The following TC2N variants were observed in gnomAD, a reference collection of about 807,000 sequenced individuals.
TC2N encodes the protein tandem C2 domains nuclear protein.
Under a neutral mutation model 61.9 loss-of-function variants are expected in TC2N, and 51 were observed. The observed-to-expected ratio is 0.82, with a 90% confidence interval of 0.66 to 1.04. The LOEUF is 1.04. Among genes scored for constraint, TC2N ranks in the 50% least tolerant of loss-of-function variants. The pLI is 0.00. For synonymous variants in TC2N, 204 were observed against 192.6 expected, an observed-to-expected ratio of 1.06 and a Z score of -0.49; for missense variants, 556 against 566.7, an observed-to-expected ratio of 0.98 and a Z score of 0.19.
intron 1 of TC2N, among the ~76,000 whole-genome samples, chr14:91,824,541 C>T (rs1017695986): frequency 2.6e-5 from 4 of 152,142 alleles, no homozygotes; most frequent in South Asian, 2.1e-4. Flanking sequence ...TCCTTCTGCT[C>T]CCAAAATCCA....
At chr14:91,794,290 G>GT (rs1885796431) in intron 8 of TC2N, among the ~76,000 whole-genome samples, 1 of 152,226 alleles carries the variant, frequency 6.6e-6, no homozygotes, top group Admixed American at 6.5e-5. Flanking sequence ...GTTGCAGCAA[G>GT]TTATCCAGAA....
intron 1 of TC2N, among the ~76,000 whole-genome samples, chr14:91,827,036 G>A (rs1040442593): frequency 1.3e-5 from 2 of 152,004 alleles, no homozygotes; most frequent in African/African-American, 4.8e-5. Context: ...TTTGTCTTTT[G>A]ACTGTAATAT....
chr14:91,790,219 A>G (rs1941542224), intron 9 of TC2N, among the ~76,000 whole-genome samples: 1 of 152,212 alleles, frequency 6.6e-6, no homozygotes, highest in South Asian at 2.1e-4. Context: ...TTCAATACCG[A>G]AATTTGAGAT....
intron 11 of TC2N, among the ~76,000 whole-genome samples, chr14:91,784,934 G>C (rs1885290794): frequency 6.6e-6 from 1 of 151,978 alleles, no homozygotes; most frequent in Admixed American, 6.6e-5. Context: ...AAGTAAAAAA[G>C]CTCAGAAAAA....
intron 1 of TC2N, among the ~76,000 whole-genome samples, chr14:91,817,453 C>T (rs1044125229): frequency 6.6e-6 from 1 of 151,818 alleles, no homozygotes; most frequent in African/African-American, 2.4e-5. Context: ...TTTTTCTTAA[C>T]ATTTTATGAG....
At chr14:91,865,099 A>T (rs1888669071) in intron 1 of TC2N, among the ~76,000 whole-genome samples, 1 of 152,142 alleles carries the variant, frequency 6.6e-6, no homozygotes, top group Admixed American at 6.5e-5. Flanking sequence ...ATTATTGCTC[A>T]AGAATATCCC....
At chr14:91,791,187 G>GGAGGGGAGGGGAGAA (rs898706213) in intron 9 of TC2N, among the ~76,000 whole-genome samples, 3 of 128,654 alleles carry the variant, frequency 2.3e-5, no homozygotes, top group Non-Finnish European at 5.1e-5. Context: ...GGAGGGGAGG[G>GGAGGGGAGGGGAGAA]GAGGGGAGGG....
intron 1 of TC2N, among the ~76,000 whole-genome samples, chr14:91,840,334 CA>C (rs1888141416): frequency 6.6e-6 from 1 of 151,924 alleles, no homozygotes; most frequent in African/African-American, 2.4e-5. Flanking sequence ...TTAAACATAC[CA>C]AAAAAATGTT....
chr14:91,838,001 ATTATC>A (rs940823002), intron 1 of TC2N, among the ~76,000 whole-genome samples: 10 of 152,186 alleles, frequency 6.6e-5, no homozygotes, highest in African/African-American at 2.2e-4. Flanking sequence ...TGTAGCTGTT[ATTATC>A]TTCATTTTGC....
chr14:91,844,325 T>C (rs1888223332), intron 1 of TC2N, among the ~76,000 whole-genome samples: 1 of 152,136 alleles, frequency 6.6e-6, no homozygotes, highest in African/African-American at 2.4e-5. Context: ...AACAATGACA[T>C]AGTGAATACA....
chr14:91,848,702 A>G (rs1888315934), intron 1 of TC2N, among the ~76,000 whole-genome samples: 1 of 152,226 alleles, frequency 6.6e-6, no homozygotes, highest in Non-Finnish European at 1.5e-5. Flanking sequence ...GTCTACTCAC[A>G]TGAAAAATGA....
chr14:91,809,815 G>A (rs1235580792), intron 3 of TC2N, among the ~76,000 whole-genome samples: 1 of 152,086 alleles, frequency 6.6e-6, no homozygotes, highest in African/African-American at 2.4e-5. Context: ...TCAAATATCT[G>A]TCTCATCTCT....
chr14:91,828,602 T>A (rs886374063), intron 1 of TC2N, among the ~76,000 whole-genome samples: 5 of 152,064 alleles, frequency 3.3e-5, no homozygotes, highest in Admixed American at 3.3e-4. Context: ...TTGAGTGAAA[T>A]AGGTTTAAAT....
At chr14:91,801,941 T>G (rs1886269663) in intron 4 of TC2N, among the ~76,000 whole-genome samples, 1 of 152,152 alleles carries the variant, frequency 6.6e-6, no homozygotes, top group African/African-American at 2.4e-5. Flanking sequence ...CTCTTAGCAC[T>G]TTTCAAGAAT....
In TC2N at chr14:91,810,859, A is replaced by C. The variant is rs192731181; in HGVS notation, c.301+1453T>G. ...ATTGAATCTAAAGAACAGAGAAAAA[A>C]AGATACTTGAAAAAAAAAAGTCTCA... On this transcript the variant is annotated intron_variant, in intron 3 of 11. Coordinates refer to ENST00000435962, the MANE Select transcript of TC2N (RefSeq NM_001128596.3). Among the ~76,000 whole-genome samples the C allele has an allele frequency of 7.2e-5, 11 of 152,010 alleles. No homozygotes were observed. In the East Asian group the frequency reaches 2.1e-3, roughly 29 times the overall value.
At chr14:91,836,065 C>T (rs1186946508) in intron 1 of TC2N, 1 of 152,336 alleles carries the variant, frequency 6.6e-6, no homozygotes, top group African/African-American at 2.4e-5. Context: ...GGGCCTAAAG[C>T]TCTCTCAGGC....
intron 8 of TC2N, among the ~76,000 whole-genome samples, chr14:91,794,759 A>T (rs1033107401): frequency 6.6e-6 from 1 of 152,152 alleles, no homozygotes; most frequent in African/African-American, 2.4e-5. Context: ...TGTTATTTTC[A>T]TGTCTGCAAA....
In TC2N at chr14:91,813,656, TGAA is replaced by T. The variant is rs762033804; in HGVS notation, c.67+44_67+46del. 1.5e-5 allele frequency: 20 copies of T among 1,338,450 alleles called. No individual in the cohort carries two copies. The Admixed American group carries it at 2.0e-4, about 13-fold the overall frequency. 82.9% of individuals were successfully genotyped at this position (1,338,450 alleles called of 1,614,324 possible). ...TCTTTATATTACAAAATGCCACAAA[TGAA>T]GAAGATGCTACATAAATGTTACTGA... On this transcript the variant is annotated intron_variant, in intron 2 of 11. Coordinates refer to ENST00000435962, the MANE Select transcript of TC2N (RefSeq NM_001128596.3).
intron 1 of TC2N, among the ~76,000 whole-genome samples, chr14:91,858,122 T>G (rs1424185715): frequency 2.0e-5 from 3 of 151,008 alleles, no homozygotes. Flanking sequence ...TGCACCACTA[T>G]GCTTGGCTGA....
Sources: allele counts gnomAD v4.1 joint callset (sites outside exome capture counted in the v4.1 genomes callset), GRCh38; gene constraint gnomAD v4.1.1; transcripts MANE v1.5; gene names NCBI Gene and HGNC (gene_info 2026-07-23, HGNC 2026-07-21).